PCCB: variants seen among roughly 807,000 people sequenced by gnomAD.
PCCB encodes the protein propionyl-CoA carboxylase subunit beta, also known as propionyl-CoA carboxylase beta chain, mitochondrial.
A neutral mutation model predicts 60.7 loss-of-function variants in PCCB; 43 were observed. That is an observed-to-expected ratio of 0.71 (90% confidence interval 0.55 to 0.91). PCCB has a LOEUF of 0.91. Among genes scored for constraint, PCCB ranks in the 40% least tolerant of loss-of-function variants. The pLI is 0.00. For synonymous variants in PCCB, 276 were observed against 255.9 expected (o/e 1.08, Z -0.75); for missense variants, 766 against 702.8 (o/e 1.09, Z -1.02).
At chr3:136,329,299 T>G (rs1935451466) in intron 14 of PCCB, among the ~76,000 whole-genome samples, 1 of 152,166 alleles carries the variant, frequency 6.6e-6, no homozygotes, top group South Asian at 2.1e-4. Context: ...CAAAATGGCG[T>G]CACTTACTTG....
intron 1 of PCCB, among the ~76,000 whole-genome samples, chr3:136,250,901 T>C (rs1941496313): frequency 6.6e-6 from 1 of 152,182 alleles, no homozygotes; most frequent in Non-Finnish European, 1.5e-5. Flanking sequence ...CGTTAGACCA[T>C]AGATAGCAAA....
chr3:136,268,110 A>ATATATATG (rs1560002549), intron 5 of PCCB, among the ~76,000 whole-genome samples: 14 of 126,576 alleles, frequency 1.1e-4, no homozygotes, highest in Non-Finnish European at 2.4e-4. Flanking sequence ...ATATATATAT[A>ATATATATG]TATATATATA....
intron 1 of PCCB, among the ~76,000 whole-genome samples, chr3:136,251,524 C>T (rs927655011): frequency 5.3e-5 from 8 of 152,160 alleles, no homozygotes; most frequent in African/African-American, 1.9e-4. Flanking sequence ...ATTCAGATGT[C>T]ATAAATTCGC....
chr3:136,280,334 A>G (rs1278391513), intron 5 of PCCB, among the ~76,000 whole-genome samples: 1 of 152,006 alleles, frequency 6.6e-6, no homozygotes, highest in Non-Finnish European at 1.5e-5. Flanking sequence ...TTGACCAGTT[A>G]TTTTGTTTCA....
At chr3:136,263,351 A>G (rs1323722619) in intron 5 of PCCB, among the ~76,000 whole-genome samples, 2 of 145,076 alleles carry the variant, frequency 1.4e-5, no homozygotes, top group Non-Finnish European at 3.0e-5. Context: ...CTGCAACCTC[A>G]GCCTCCTGGG....
Position 136,303,059 on chromosome 3 carries a change from T to C in PCCB, c.966+1948T>C, listed in dbSNP as rs1934347738. ...TGATCATTGCCACTGCACTCCATCC[T>C]GGTGTGCAAGACTCCATCGCCAAAA... On this transcript the variant is annotated intron_variant, in intron 9 of 14. Coordinates refer to ENST00000251654, the MANE Select transcript of PCCB (RefSeq NM_000532.5). Among the ~76,000 whole-genome samples the C allele has an allele frequency of 1.6e-5, 2 of 122,802 alleles. 1 individual carries two copies. Among genetic ancestry groups the C allele is most frequent in the Non-Finnish European group, 3.6e-5 (2 of 55,000 alleles). 80.6% of individuals were successfully genotyped at this position (122,802 alleles called of 152,430 possible). A position where few individuals can be genotyped will look rare whatever the true frequency, so the allele number is the denominator to read the frequency against.
chr3:136,326,420 C>G, intron 10 of PCCB: 1 of 702,636 alleles, frequency 1.4e-6, no homozygotes, highest in African/African-American at 1.7e-5. Context: ...AAAGTAATTT[C>G]TCAAGGGCAC....
At chr3:136,322,091 G>T (rs1287327877) in intron 10 of PCCB, among the ~76,000 whole-genome samples, 1 of 152,190 alleles carries the variant, frequency 6.6e-6, no homozygotes, top group East Asian at 1.9e-4. Context: ...TGTGATGTTA[G>T]TTGTAGGTTT....
At chr3:136,267,914 C>G (rs1942048777) in intron 5 of PCCB, among the ~76,000 whole-genome samples, 1 of 127,952 alleles carries the variant, frequency 7.8e-6, no homozygotes. Flanking sequence ...ATTTTGTTTT[C>G]TTCATGGAGT....
chr3:136,268,087 G>GATATATATGTAT, intron 5 of PCCB, among the ~76,000 whole-genome samples: 1 of 93,798 alleles, frequency 1.1e-5, no homozygotes, highest in East Asian at 2.9e-4. Context: ...TGTGTGTGTA[G>GATATATATGTAT]ATATATATAT....
chr3:136,289,609 C>T (rs1035733932), intron 6 of PCCB, among the ~76,000 whole-genome samples: 3 of 152,010 alleles, frequency 2.0e-5, no homozygotes, highest in Admixed American at 6.6e-5. Context: ...TTAATTGATA[C>T]ATTTAGACCA....
At chr3:136,313,471 G>A (rs1206903802) in intron 9 of PCCB, among the ~76,000 whole-genome samples, 1 of 152,028 alleles carries the variant, frequency 6.6e-6, no homozygotes, top group Non-Finnish European at 1.5e-5. Flanking sequence ...AATTCAAAGT[G>A]CAAGAGTGTC....
At chr3:136,272,390 A>T (rs1942225223) in intron 5 of PCCB, among the ~76,000 whole-genome samples, 1 of 151,966 alleles carries the variant, frequency 6.6e-6, no homozygotes. Context: ...TTTAGGAAGG[A>T]TTCCCTCTTT....
intron 13 of PCCB, 48 bp from the exon 14 acceptor site, chr3:136,328,710 G>C: frequency 4.2e-6 from 6 of 1,438,856 alleles, no homozygotes; most frequent in Non-Finnish European, 5.9e-6. Context: ...AAGGAGATCT[G>C]TCCAGGTTGG....
At chr3:136,277,195 A>G (rs1942350187) in intron 5 of PCCB, among the ~76,000 whole-genome samples, 1 of 152,280 alleles carries the variant, frequency 6.6e-6, no homozygotes, top group South Asian at 2.1e-4. Context: ...TGCTGGTTAT[A>G]ATAGTAGTGA....
chr3:136,272,825 G>A (rs1229244480), intron 5 of PCCB, among the ~76,000 whole-genome samples: 1 of 151,740 alleles, frequency 6.6e-6, no homozygotes, highest in Non-Finnish European at 1.5e-5. Flanking sequence ...ATTTCCTTTA[G>A]TTCTGCTCTG....
chr3:136,300,936 T>G (rs1934247959), intron 8 of PCCB, 94 bp from the exon 9 acceptor site: 3 of 869,954 alleles, frequency 3.4e-6, no homozygotes, highest in East Asian at 4.9e-5. Context: ...CCAGTCCCTA[T>G]GACGTGTCAC....
At chr3:136,253,746 G>C (rs184077480) in intron 1 of PCCB, among the ~76,000 whole-genome samples, 2 of 147,640 alleles carry the variant, frequency 1.4e-5, no homozygotes, top group Non-Finnish European at 3.0e-5. Flanking sequence ...TCATGGCTTA[G>C]TGCATCCTCG....
chr3:136,285,107 A>C (rs2108184174), intron 6 of PCCB, among the ~76,000 whole-genome samples: 1 of 146,214 alleles, frequency 6.8e-6, no homozygotes, highest in East Asian at 1.9e-4. Context: ...AAAAAAAAAA[A>C]AGGTAAGATG....
Sources: gnomAD v4.1 joint callset for allele counts (sites outside exome capture counted in the v4.1 genomes callset) on GRCh38, gnomAD v4.1.1 for gene constraint, MANE v1.5 for transcripts, NCBI Gene and HGNC (gene_info 2026-07-23, HGNC 2026-07-21) for gene names.